Variants in SBF2 observed in about 807,000 individuals in gnomAD.
The protein encoded by SBF2 is myotubularin-related protein 13.
A neutral mutation model predicts 225.2 loss-of-function variants in SBF2; 112 were observed. The observed-to-expected ratio is 0.50, with a 90% CI of 0.43 to 0.58. SBF2 has a LOEUF of 0.58. SBF2 is among the 20% of genes least tolerant of loss of function. The probability of loss-of-function intolerance (pLI) is 0.00; values close to 1 mark genes in which losing one functional copy is unlikely to be tolerated. For synonymous variants in SBF2, 763 were observed against 773.3 expected (o/e 0.99, Z 0.22); for missense variants, 1,996 against 2,206.2 (o/e 0.90, Z 1.91).
intron 1 of SBF2, among the ~76,000 whole-genome samples, chr11:10,208,258 T>C (rs1014816528): frequency 6.6e-6 from 1 of 152,104 alleles, no homozygotes; most frequent in Admixed American, 6.5e-5. Flanking sequence ...CTAGATGGCA[T>C]AACACTATGA....
At chr11:10,227,399 G>A (rs1214082621) in intron 1 of SBF2, among the ~76,000 whole-genome samples, 1 of 152,138 alleles carries the variant, frequency 6.6e-6, no homozygotes, top group African/African-American at 2.4e-5. Context: ...CCTTGCCCAT[G>A]CCTATGTCCT....
intron 16 of SBF2, among the ~76,000 whole-genome samples, chr11:9,896,682 G>C (rs1223602926): frequency 2.0e-5 from 3 of 151,856 alleles, no homozygotes; most frequent in Admixed American, 2.0e-4. Context: ...CCAGCTACTT[G>C]GGAGGCTGAA....
chr11:10,056,280 T>C (rs1318215260), intron 2 of SBF2, among the ~76,000 whole-genome samples: 3 of 152,202 alleles, frequency 2.0e-5, no homozygotes, highest in African/African-American at 7.2e-5. Flanking sequence ...CTGTGAAGAA[T>C]GTCGTTGGTA....
At position 9,892,326 on chromosome 11, in the gene SBF2, C is replaced by T. The variant is rs970601134; in HGVS notation, c.1929+3617G>A. Among the ~76,000 whole-genome samples, 3 of 151,736 alleles carry T rather than the reference C, an allele frequency of 2.0e-5. No homozygotes were observed. In the South Asian group the frequency reaches 6.2e-4, roughly 32 times the overall value. On this transcript the variant is annotated intron_variant, in intron 17 of 39. Coordinates refer to ENST00000256190, the MANE Select transcript of SBF2 (RefSeq NM_030962.4). ...TAGAGATGGGGTTTCACCATGTTGG[C>T]CAGGCTGGTCTCGAACTCCTGGCCT...
At chr11:10,274,948 T>C (rs1962845710) in intron 1 of SBF2, among the ~76,000 whole-genome samples, 1 of 152,134 alleles carries the variant, frequency 6.6e-6, no homozygotes, top group South Asian at 2.1e-4. Flanking sequence ...GGAAGCAATA[T>C]GCAAATGAAT....
At chr11:9,882,610 C>T (rs539311617) in intron 17 of SBF2, among the ~76,000 whole-genome samples, 25 of 152,054 alleles carry the variant, frequency 1.6e-4, no homozygotes, top group East Asian at 5.8e-4. Flanking sequence ...AGATCGAGAC[C>T]ATCCTGGCTA....
rs757121722 is a variant in SBF2, at chr11:9,799,712, T to TA, written c.4444-3756dup. ...AGAAATGATGAGATGGCTGAACTCT[T>TA]ACGGTGCTTAGATTTCTAGGAAGCA... On this transcript the variant is annotated intron_variant, in intron 32 of 39. Coordinates refer to ENST00000256190, the MANE Select transcript of SBF2 (RefSeq NM_030962.4). Among the ~76,000 whole-genome samples the TA allele has an allele frequency of 1.1e-4, 17 of 152,330 alleles. 1 individual carries two copies. The highest frequency in any genetic ancestry group is 3.9e-4 in the Admixed American group (6 of 15,306).
intron 1 of SBF2, among the ~76,000 whole-genome samples, chr11:10,302,475 C>T (rs1460346428): frequency 2.0e-5 from 3 of 152,234 alleles, no homozygotes; most frequent in Non-Finnish European, 4.4e-5. Flanking sequence ...AGTGACAGAT[C>T]TCTAAGTGCC....
At chr11:9,804,930 C>T (rs993741282) in intron 32 of SBF2, among the ~76,000 whole-genome samples, 1 of 152,076 alleles carries the variant, frequency 6.6e-6, no homozygotes, top group African/African-American at 2.4e-5. Flanking sequence ...ATCTGGCAAC[C>T]AATAATTTAT....
intron 14 of SBF2, among the ~76,000 whole-genome samples, chr11:9,964,977 T>A (rs1423632289): frequency 6.6e-6 from 1 of 152,126 alleles, no homozygotes; most frequent in Non-Finnish European, 1.5e-5. Context: ...ACCAAAATGA[T>A]GTATATTGTA....
In SBF2 at chr11:10,300,122, CT is replaced by C. The variant is rs374770527; in HGVS notation, n.386+4369del. Among the ~76,000 whole-genome samples the C allele has an allele frequency of 3.9e-3, 591 of 152,244 alleles. 5 individuals are homozygous for C. Among genetic ancestry groups the C allele is most frequent in the South Asian group, 6.8e-3 (33 of 4,830 alleles). On this transcript the variant is annotated intron_variant and non_coding_transcript_variant, in intron 1 of 5. Coordinates refer to the SBF2 transcript ENST00000685217. ...CCTCCATTTCGAATATTAGATCCCC[CT>C]AGTCTTGCTTTTTCTTCAGAATACT...
intron 16 of SBF2, among the ~76,000 whole-genome samples, chr11:9,951,212 G>A (rs544849934): frequency 4.2e-4 from 64 of 152,330 alleles, no homozygotes; most frequent in African/African-American, 1.5e-3. Context: ...GTAAGGCCTG[G>A]GGACTGACAG....
chr11:10,120,821 T>C (rs550025722), intron 2 of SBF2, among the ~76,000 whole-genome samples: 65 of 152,316 alleles, frequency 4.3e-4, no homozygotes, highest in African/African-American at 1.3e-3. Flanking sequence ...GGTTTCACCA[T>C]GTTGATTAGG....
chr11:10,215,573 TG>T lies in SBF2; in HGVS notation c.56-21587del, dbSNP rs374085540. Among the ~76,000 whole-genome samples, 288 of 152,192 alleles carry T rather than the reference TG, an allele frequency of 1.9e-3. 1 individual carries two copies. Among genetic ancestry groups the T allele is most frequent in the African/African-American group, 6.4e-3 (266 of 41,532 alleles). ...AGGAGGTCAAGGCTGCTGTGAGCCGTGACCGTACCACTGCACTCCAGCCTGG... is the reference window on the plus strand; with the variant it reads ...AGGAGGTCAAGGCTGCTGTGAGCCGTACCGTACCACTGCACTCCAGCCTGG... On this transcript the variant is annotated intron_variant, in intron 1 of 39. Transcript: ENST00000256190.
Position 9,955,891 on chromosome 11 carries a change from G to A in SBF2, c.1860+6066C>T, listed in dbSNP as rs944948751. On this transcript the variant is annotated intron_variant, in intron 16 of 39. Coordinates refer to ENST00000256190, the MANE Select transcript of SBF2 (RefSeq NM_030962.4). ...AGTTTTAAAAAAATACTTTTACCAC[G>A]TATGTTTGTATCATTAGATTAAATA... 5.9e-5 allele frequency among the ~76,000 whole-genome samples: 9 copies of A among 151,852 alleles called. 1 individual carries two copies. Among genetic ancestry groups the A allele is most frequent in the South Asian group, 2.1e-4 (1 of 4,814 alleles).
In SBF2 at chr11:9,945,379, T is replaced by C. The variant is rs372792737; in HGVS notation, c.1860+16578A>G. On this transcript the variant is annotated intron_variant, in intron 16 of 39. Coordinates refer to ENST00000256190, the MANE Select transcript of SBF2 (RefSeq NM_030962.4). Reference sequence around the variant, plus strand: ...TCCTATTCAATAAACGGTGCTAGGATAACTGGCTAGCCATTTGCAGAATAT... The same window carrying C: ...TCCTATTCAATAAACGGTGCTAGGACAACTGGCTAGCCATTTGCAGAATAT... 2.0e-4 allele frequency among the ~76,000 whole-genome samples: 31 copies of C among 152,324 alleles called. 1 individual carries two copies. The highest frequency in any genetic ancestry group is 7.0e-4 in the African/African-American group (29 of 41,588).
At chr11:10,024,176 G>A (rs978689079) in intron 6 of SBF2, among the ~76,000 whole-genome samples, 1 of 152,076 alleles carries the variant, frequency 6.6e-6, no homozygotes, top group African/African-American at 2.4e-5. Flanking sequence ...TAGCTTAGTA[G>A]TATTACATTG....
chr11:9,979,614 A>C (rs1565088837), intron 13 of SBF2, among the ~76,000 whole-genome samples: 1 of 152,188 alleles, frequency 6.6e-6, no homozygotes, highest in East Asian at 1.9e-4. Flanking sequence ...AATAAATTAA[A>C]GTAACAGATC....
chr11:10,192,641 T>A (rs768821316), intron 2 of SBF2, among the ~76,000 whole-genome samples: 1 of 152,196 alleles, frequency 6.6e-6, no homozygotes, highest in Admixed American at 6.5e-5. Context: ...GAGATTAATA[T>A]AATCATTATC....
Sources: allele counts gnomAD v4.1 joint callset (sites outside exome capture counted in the v4.1 genomes callset), GRCh38; gene constraint gnomAD v4.1.1; transcripts MANE v1.5; gene names NCBI Gene and HGNC (gene_info 2026-07-23, HGNC 2026-07-21).